The following NDUFA9 variants were observed in gnomAD, a reference collection of about 807,000 sequenced individuals.
NDUFA9 encodes the protein NADH dehydrogenase [ubiquinone] 1 alpha subcomplex subunit 9, mitochondrial.
Under a neutral mutation model 45.9 loss-of-function variants are expected in NDUFA9, and 23 were observed. The ratio of observed to expected loss-of-function variants is 0.50; its 90% CI spans 0.36 to 0.71. The LOEUF (loss-of-function observed/expected upper bound fraction) is 0.71. Ranked by LOEUF, NDUFA9 falls within the 30% of genes least tolerant of loss-of-function variation. NDUFA9 has a pLI of 0.00. For synonymous variants in NDUFA9, 176 were observed against 170.5 expected (o/e 1.03, Z -0.25); for missense variants, 466 against 488.2 (o/e 0.95, Z 0.43).
chr12:4,657,850 G>C lies in NDUFA9; in HGVS notation c.410+11G>C. 6.3e-7 allele frequency: 1 copy of C among 1,598,054 alleles called. No homozygotes were observed. Among genetic ancestry groups the C allele is most frequent in the Non-Finnish European group, 8.6e-7 (1 of 1,165,548 alleles). ...AGACTGGGAAACCAAGTAAGTCTTT[G>C]ACTCTTGTTTCTTCTTTGCTTAAGT... On this transcript the variant is annotated intron_variant, in intron 4 of 10. Coordinates refer to ENST00000266544, the MANE Select transcript of NDUFA9 (RefSeq NM_005002.5).
chr12:4,678,321 A>G (rs1179944296), intron 8 of NDUFA9, among the ~76,000 whole-genome samples: 1 of 152,098 alleles, frequency 6.6e-6, no homozygotes, highest in Non-Finnish European at 1.5e-5. Flanking sequence ...GTAAAAAAAT[A>G]AATAAAAGAG....
intron 6 of NDUFA9, 147 bp from the exon 7 acceptor site, chr12:4,668,310 C>A (rs1409419842): frequency 9.4e-6 from 6 of 640,040 alleles, no homozygotes; most frequent in South Asian, 2.2e-5. Context: ...TAATGACTGC[C>A]TTTTGTAAGT....
At chr12:4,668,244 C>G (rs1438976697) in intron 6 of NDUFA9, among the ~76,000 whole-genome samples, 1 of 152,178 alleles carries the variant, frequency 6.6e-6, no homozygotes, top group Non-Finnish European at 1.5e-5. Flanking sequence ...TTTCTTTGCT[C>G]TTCATGGTTT....
At position 4,686,867 on chromosome 12, in the gene NDUFA9, G is replaced by A. The variant is rs917175820; in HGVS notation, c.964-71G>A. ...GACTCATGCCAGCTTGAATGTTTAA[G>A]TGCCTGCTAGGATAGCACTTTGTTC... On this transcript the variant is annotated intron_variant, in intron 10 of 10. Coordinates refer to ENST00000266544, the MANE Select transcript of NDUFA9 (RefSeq NM_005002.5). 3 of 1,445,872 alleles carry A rather than the reference G, an allele frequency of 2.1e-6. No individual in the cohort carries two copies. The African/African-American group carries it at 4.2e-5, about 20-fold the overall frequency. The allele number at this position is 1,445,872 out of a possible 1,614,324, so 89.6% of individuals were successfully genotyped here. A position where few individuals can be genotyped will look rare whatever the true frequency, so the allele number is the denominator to read the frequency against.
At chr12:4,658,930 A>G in intron 4 of NDUFA9, 106 bp from the exon 5 acceptor site, 1 of 1,164,998 alleles carries the variant, frequency 8.6e-7, no homozygotes, top group South Asian at 1.5e-5. Flanking sequence ...TTAAAAGTTT[A>G]AGTAGTGTGA....
intron 6 of NDUFA9, among the ~76,000 whole-genome samples, chr12:4,665,199 T>G (rs1008535906): frequency 3.9e-5 from 6 of 152,212 alleles, no homozygotes; most frequent in African/African-American, 1.4e-4. Context: ...CCAGAACTTT[T>G]TCATCTTGTA....
At chr12:4,668,833 G>C (rs796928913) in intron 7 of NDUFA9, 1 of 332,774 alleles carries the variant, frequency 3.0e-6, no homozygotes, top group South Asian at 3.7e-5. Context: ...GTCTGAGGCA[G>C]ATAAATAAAG....
At chr12:4,673,301 A>G (rs1377331666) in intron 8 of NDUFA9, among the ~76,000 whole-genome samples, 1 of 152,142 alleles carries the variant, frequency 6.6e-6, no homozygotes, top group Non-Finnish European at 1.5e-5. Flanking sequence ...AAAAACCAGA[A>G]AGCCTCTTTT....
At chr12:4,683,200 A>G (rs1039502305) in intron 9 of NDUFA9, among the ~76,000 whole-genome samples, 1 of 151,306 alleles carries the variant, frequency 6.6e-6, no homozygotes, top group Non-Finnish European at 1.5e-5. Context: ...AAAAAGAAAG[A>G]AAAGAAAAAC....
intron 2 of NDUFA9, 61 bp from the exon 3 acceptor site, chr12:4,654,764 A>G (rs1945779653): frequency 6.3e-6 from 8 of 1,266,270 alleles, no homozygotes; most frequent in Non-Finnish European, 8.9e-6. Flanking sequence ...CCAAGTCACA[A>G]TTGTATAATA....
In NDUFA9 at chr12:4,691,179, C is replaced by G. The variant is rs1165492322; in HGVS notation, c.*4071C>G. 1 of 152,140 alleles carries G rather than the reference C, an allele frequency of 6.6e-6. No individual in the cohort carries two copies. The highest frequency in any genetic ancestry group is 1.5e-5 in the Non-Finnish European group (1 of 68,030). 9.4% of individuals were successfully genotyped at this position (152,140 alleles called of 1,614,324 possible). A position where few individuals can be genotyped will look rare whatever the true frequency, so the allele number is the denominator to read the frequency against. ...TATAAAATGGGGGTGATAGTAATAACTACATGATGGGATAGTGATGAGGAA... is the reference window on the plus strand; with the variant it reads ...TATAAAATGGGGGTGATAGTAATAAGTACATGATGGGATAGTGATGAGGAA... On this transcript the variant is annotated 3_prime_UTR_variant, in exon 11 of 11. Transcript: ENST00000266544.
At chr12:4,670,669 C>A (rs1191672730) in intron 8 of NDUFA9, among the ~76,000 whole-genome samples, 2 of 152,102 alleles carry the variant, frequency 1.3e-5, no homozygotes, top group Non-Finnish European at 2.9e-5. Flanking sequence ...TAATTTTTTT[C>A]AGTGTGAAAG....
At chr12:4,678,841 A>C (rs763078018) in intron 8 of NDUFA9, among the ~76,000 whole-genome samples, 2 of 152,198 alleles carry the variant, frequency 1.3e-5, no homozygotes, top group Non-Finnish European at 2.9e-5. Flanking sequence ...AAAATTGTAT[A>C]GCCACTTTAG....
intron 1 of NDUFA9, chr12:4,653,365 T>A (rs556968138): frequency 1.7e-4 from 41 of 234,942 alleles, no homozygotes; most frequent in African/African-American, 8.8e-4. Flanking sequence ...ATTCCCCTTG[T>A]GGTAGAACTT....
intron 9 of NDUFA9, 150 bp from the exon 10 acceptor site, chr12:4,685,104 GTAGCC>G: frequency 2.8e-6 from 2 of 726,588 alleles, no homozygotes; most frequent in Non-Finnish European, 5.0e-6. Flanking sequence ...AAAAGCAGAG[GTAGCC>G]TCACAGGTCG....
At chr12:4,654,732 C>T in intron 2 of NDUFA9, 93 bp from the exon 3 acceptor site, 1 of 1,074,456 alleles carries the variant, frequency 9.3e-7, no homozygotes. Flanking sequence ...ATTCACATAC[C>T]ATACTAGAAT....
At chr12:4,670,994 CTTG>C (rs1945883718) in intron 8 of NDUFA9, among the ~76,000 whole-genome samples, 1 of 152,138 alleles carries the variant, frequency 6.6e-6, no homozygotes, top group Non-Finnish European at 1.5e-5. Flanking sequence ...GTAAGTCATT[CTTG>C]TTTGGCGTAA....
At chr12:4,653,238 G>T (rs796145848) in intron 1 of NDUFA9, among the ~76,000 whole-genome samples, 61 of 152,364 alleles carry the variant, frequency 4.0e-4, no homozygotes, top group African/African-American at 1.4e-3. Context: ...TTAACCTGGA[G>T]AAGAAAATAT....
At chr12:4,679,713 A>G (rs956492278) in intron 8 of NDUFA9, among the ~76,000 whole-genome samples, 1 of 152,178 alleles carries the variant, frequency 6.6e-6, no homozygotes, top group Non-Finnish European at 1.5e-5. Context: ...ACAGTTAGGT[A>G]ACTATTTGGA....
Sources: gnomAD v4.1 joint callset for allele counts (sites outside exome capture counted in the v4.1 genomes callset) on GRCh38, gnomAD v4.1.1 for gene constraint, MANE v1.5 for transcripts, NCBI Gene and HGNC (gene_info 2026-07-23, HGNC 2026-07-21) for gene names.